POLA2: variants seen among roughly 807,000 people sequenced by gnomAD.
The protein encoded by POLA2 is DNA polymerase alpha subunit B.
Under a neutral mutation model 82.8 loss-of-function variants are expected in POLA2, and 47 were observed. That is an observed-to-expected ratio of 0.57 (90% confidence interval 0.45 to 0.72). POLA2 has a LOEUF of 0.72. Ranked by LOEUF, POLA2 falls within the 30% of genes least tolerant of loss-of-function variation. The probability of loss-of-function intolerance (pLI) is 0.00; values close to 1 mark genes in which losing one functional copy is unlikely to be tolerated. For synonymous variants in POLA2, 287 were observed against 286.8 expected, an observed-to-expected ratio of 1.00 and a Z score of -0.01; for missense variants, 634 against 728.1, an observed-to-expected ratio of 0.87 and a Z score of 1.49.
chr11:65,282,480 G>A lies in POLA2; in HGVS notation c.965G>A (p.Gly322Asp), dbSNP rs2137547217. 6.2e-7 allele frequency: 1 copy of A among 1,613,652 alleles called. No homozygotes were observed. The highest frequency in any genetic ancestry group is 8.5e-7 in the Non-Finnish European group (1 of 1,179,660). Residue 322 changes from glycine (G) to aspartate (D), a missense_variant and splice_region_variant, in exon 10 of 18, where the codon GGT becomes GAT. Gly to Asp is a moderately conservative substitution (Grantham distance 94). Coordinates refer to ENST00000265465, the MANE Select transcript of POLA2 (RefSeq NM_002689.4). Reference protein sequence around the residue: ...RKLVATKLYEGVPLPFYQPTE... With the variant: ...RKLVATKLYEDVPLPFYQPTE... ...CTTGAGCTTTTCCCCTGTTTTTAGG[G>A]TGTGCCACTTCCATTTTATCAGCCC...
At position 65,294,281 on chromosome 11, in the gene POLA2, G is replaced by T; in HGVS notation, c.1353+20G>T. The T allele has an allele frequency of 6.3e-7, 1 of 1,587,252 alleles. No homozygotes were observed. Among genetic ancestry groups the T allele is most frequent in the South Asian group, 1.1e-5 (1 of 90,562 alleles). On this transcript the variant is annotated intron_variant, in intron 14 of 17. Coordinates refer to ENST00000265465, the MANE Select transcript of POLA2 (RefSeq NM_002689.4). ...AAAAAGGTAGCAGCACCCACTCCTT[G>T]ACCAGCAGGCAGCCAGAATCCAGCA...
In POLA2 at chr11:65,287,730, A is replaced by G. The variant is rs1949711777; in HGVS notation, c.1021A>G (p.Met341Val). 3 of 1,613,496 alleles carry G rather than the reference A, an allele frequency of 1.9e-6. No homozygotes were observed. The highest frequency in any genetic ancestry group is 2.2e-5 in the South Asian group (2 of 90,998). The change falls in exon 11 of 18, where the codon ATG (methionine) becomes GTG (valine). Residue 341 changes from methionine to valine, a missense_variant. Coordinates refer to ENST00000265465, the MANE Select transcript of POLA2 (RefSeq NM_002689.4). ...TEEDADFEQSMVLVACGPYTT... is the reference protein window; with the variant it reads ...TEEDADFEQSVVLVACGPYTT... ...CTCTGTCTTAGACTTTGAGCAAAGC[A>G]TGGTCCTGGTTGCCTGTGGACCATA...
chr11:65,305,934 ACT>A (rs1453975262), downstream of POLA2, among the ~76,000 whole-genome samples: 2 of 151,990 alleles, frequency 1.3e-5, no homozygotes, highest in Non-Finnish European at 1.5e-5. Context: ...ATGAGGACAC[ACT>A]CTATGTATTG....
chr11:65,287,965 A>G, intron 11 of POLA2, 125 bp downstream of exon 11: 4 of 1,020,362 alleles, frequency 3.9e-6, no homozygotes, highest in East Asian at 2.7e-5. Flanking sequence ...TTCTTAATCT[A>G]CATCTTTGGA....
At position 65,291,678 on chromosome 11, in the gene POLA2, G is replaced by A. The variant is rs139263577; in HGVS notation, c.1244+1806G>A. Reference sequence around the variant, plus strand: ...CCCTAACACTGGCTGGGTGCTTTCAGTTTGAGGTCGGGTTCTGTTTTTGGT... The same window carrying A: ...CCCTAACACTGGCTGGGTGCTTTCAATTTGAGGTCGGGTTCTGTTTTTGGT... On this transcript the variant is annotated intron_variant, in intron 13 of 17. Coordinates refer to ENST00000265465, the MANE Select transcript of POLA2 (RefSeq NM_002689.4). 9.0e-3 allele frequency among the ~76,000 whole-genome samples: 1,369 copies of A among 152,328 alleles called. 5 individuals carry two copies. Among genetic ancestry groups the A allele is most frequent in the Middle Eastern group, 0.017 (5 of 294 alleles).
intron 4 of POLA2, among the ~76,000 whole-genome samples, chr11:65,272,142 G>A (rs923585555): frequency 1.3e-5 from 2 of 151,848 alleles, no homozygotes; most frequent in East Asian, 3.9e-4. Flanking sequence ...AAACCCCATC[G>A]CTACAAAAGT....
At chr11:65,279,929 C>A in intron 7 of POLA2, 2 of 303,318 alleles carry the variant, frequency 6.6e-6, no homozygotes, top group East Asian at 6.2e-5. Flanking sequence ...CAAATAGAAG[C>A]ATTCACGTAT....
At chr11:65,273,809 T>C (rs1384684716) in intron 4 of POLA2, among the ~76,000 whole-genome samples, 2 of 152,076 alleles carry the variant, frequency 1.3e-5, no homozygotes, top group African/African-American at 4.8e-5. Context: ...CATAAAATCT[T>C]TTTCTATCAT....
intron 1 of POLA2, among the ~76,000 whole-genome samples, chr11:65,263,696 G>A (rs1243002923): frequency 3.3e-5 from 5 of 151,874 alleles, no homozygotes; most frequent in South Asian, 4.2e-4. Flanking sequence ...GCGTGGTGGC[G>A]CATGCCTGTA....
chr11:65,266,851 C>A, intron 2 of POLA2, 145 bp downstream of exon 2: 1 of 721,958 alleles, frequency 1.4e-6, no homozygotes, highest in Non-Finnish European at 2.3e-6. Context: ...AACTATGTCC[C>A]TGAGCCTCAG....
chr11:65,263,865 T>C (rs1468895906), intron 1 of POLA2, among the ~76,000 whole-genome samples: 1 of 151,426 alleles, frequency 6.6e-6, no homozygotes, highest in Non-Finnish European at 1.5e-5. Flanking sequence ...AACCTGATCA[T>C]AGTCAGAAAT....
Position 65,279,544 on chromosome 11 carries a change from C to T in POLA2, c.662C>T (p.Thr221Ile), listed in dbSNP as rs1373571689. 4 of 1,608,502 alleles carry T rather than the reference C, an allele frequency of 2.5e-6. No individual in the cohort carries two copies. Among genetic ancestry groups the T allele is most frequent in the African/African-American group, 1.3e-5 (1 of 74,708 alleles). Residue 221 changes from threonine (T) to isoleucine (I), a missense_variant, in exon 7 of 18, where the codon ACC becomes ATC. Transcript: ENST00000265465. ...TCCACTTCTGGGATTGTAGTTCTGACCTGTAAGATAGAAGAACTTGGCAGC... is the reference window on the plus strand; with the variant it reads ...TCCACTTCTGGGATTGTAGTTCTGATCTGTAAGATAGAAGAACTTGGCAGC... ...QKLPDIREVLTCKIEELGSEL... is the reference protein window; with the variant it reads ...QKLPDIREVLICKIEELGSEL...
At chr11:65,291,702 G>A (rs556003861) in intron 13 of POLA2, among the ~76,000 whole-genome samples, 1 of 152,290 alleles carries the variant, frequency 6.6e-6, no homozygotes, top group South Asian at 2.1e-4. Context: ...TCTGTTTTTG[G>A]TTCCTTACCC....
intron 11 of POLA2, 22 bp from the exon 12 acceptor site, chr11:65,289,028 G>A (rs1949727379): frequency 6.2e-7 from 1 of 1,610,222 alleles, no homozygotes; most frequent in African/African-American, 1.3e-5. Context: ...TTCTTTTGGT[G>A]TCTTTGTTTC....
chr11:65,278,806 G>T lies in POLA2; in HGVS notation c.538G>T (p.Val180Leu). The T allele has an allele frequency of 6.2e-7, 1 of 1,613,830 alleles. No homozygotes were observed. Among genetic ancestry groups the T allele is most frequent in the Admixed American group, 1.7e-5 (1 of 60,012 alleles). ...TACCTCCTTCGGCTTAGCACAGGGAGTATCTTGGTCTGGGAGAGGAGGAGC... is the reference window on the plus strand; with the variant it reads ...TACCTCCTTCGGCTTAGCACAGGGATTATCTTGGTCTGGGAGAGGAGGAGC... ...VVTSFGLAQG[V>L]SWSGRGGAGN... Residue 180 changes from valine (V) to leucine (L), a missense_variant, in exon 6 of 18, where the codon GTA becomes TTA. Coordinates refer to ENST00000265465, the MANE Select transcript of POLA2 (RefSeq NM_002689.4).
intron 2 of POLA2, 127 bp downstream of exon 2, chr11:65,266,833 C>A: frequency 1.2e-6 from 1 of 839,030 alleles, no homozygotes; most frequent in Non-Finnish European, 1.9e-6. Context: ...CCAGTGTGAG[C>A]TTGGACAAAC....
chr11:65,271,349 C>G (rs1949519322), intron 4 of POLA2, among the ~76,000 whole-genome samples: 1 of 152,152 alleles, frequency 6.6e-6, no homozygotes, highest in Non-Finnish European at 1.5e-5. Context: ...TTCACAGATC[C>G]AGAATTTTAT....
chr11:65,262,108 T>G lies in POLA2; in HGVS notation c.-185T>G. 3.4e-6 allele frequency: 2 copies of G among 581,860 alleles called. No individual in the cohort carries two copies. Among genetic ancestry groups the G allele is most frequent in the Non-Finnish European group, 6.1e-6 (2 of 327,554 alleles). The allele number at this position is 581,860 out of a possible 1,614,324, so 36.0% of individuals were successfully genotyped here. A position where few individuals can be genotyped will look rare whatever the true frequency, so the allele number is the denominator to read the frequency against. On this transcript the variant is annotated 5_prime_UTR_variant, in exon 1 of 18. Coordinates refer to ENST00000265465, the MANE Select transcript of POLA2 (RefSeq NM_002689.4). ...TCATTTTTTAAAAAAAGTATTTCTC[T>G]GTGACCGACGGCCGGGGCCTTCTGA...
chr11:65,269,832 G>T (rs1278385403), intron 4 of POLA2, among the ~76,000 whole-genome samples: 6 of 151,904 alleles, frequency 3.9e-5, no homozygotes, highest in South Asian at 4.2e-4. Context: ...ATTCTTTTTT[G>T]TTGTTGTTGT....
Sources: gnomAD v4.1 joint callset for allele counts (sites outside exome capture counted in the v4.1 genomes callset) on GRCh38, gnomAD v4.1.1 for gene constraint, MANE v1.5 for transcripts, NCBI Gene and HGNC (gene_info 2026-07-23, HGNC 2026-07-21) for gene names.